The following GPR132 variants were observed in gnomAD, a reference collection of about 807,000 sequenced individuals.
GPR132 encodes the protein probable G protein-coupled receptor 132.
In GPR132, 4 loss-of-function variants were observed where a neutral mutation model predicts 1.9. That is an observed-to-expected ratio of 2.13 (90% confidence interval 1.05 to 4.87). The LOEUF is 4.87. Among genes scored for constraint, GPR132 ranks in the 30% most tolerant of loss-of-function variants. GPR132 has a pLI of 0.01. For missense variants in GPR132, 404 were observed against 512.5 expected (o/e 0.79, Z 2.04); for synonymous variants, 233 against 234.2 (o/e 0.99, Z 0.05).
chr14:105,054,223 C>A, intron 3 of GPR132: 1 of 1,195,482 alleles, frequency 8.4e-7, no homozygotes, highest in Non-Finnish European at 1.1e-6. Flanking sequence ...CCGGGCGGGG[C>A]AAACTTCAGC....
Position 105,051,236 on chromosome 14 carries a change from C to T in GPR132, c.901G>A (p.Gly301Ser), listed in dbSNP as rs574426049. ...VVFLCLSTVN[G>S]VADPIIYVLA... ...ACGTAGATAATGGGGTCAGCCACGC[C>T]GTTCACCGTGGACAGGCACAGAAAC... Residue 301 changes from glycine to serine, a missense_variant, in exon 4 of 4, where the codon GGC (glycine) becomes AGC (serine). Transcript: ENST00000329797. This position sits in a 1 kb window ranked among gnomAD's most constrained non-coding sequence, Gnocchi z 8.0. The T allele has an allele frequency of 2.9e-5, 47 of 1,613,516 alleles. No homozygotes were observed. Among genetic ancestry groups the T allele is most frequent in the Middle Eastern group, 3.3e-4 (2 of 6,060 alleles).
rs374913849 is a variant in GPR132 at position 105,054,024 on chromosome 14, C to T, written c.34+1363G>A. ...AGGGTGTGCAGTGGTGTGACTTCCC[C>T]AAGCTCTGCCAGCGCCACCAGCTCC... On this transcript the variant is annotated intron_variant, in intron 3 of 3. Transcript: ENST00000329797. 14 of 1,286,968 alleles carry T rather than the reference C, an allele frequency of 1.1e-5. No individual in the cohort carries two copies. The East Asian group carries it at 2.2e-4, about 21-fold the overall frequency. 79.7% of individuals were successfully genotyped at this position (1,286,968 alleles called of 1,614,324 possible).
chr14:105,061,743 G>C (rs993059229), intron 1 of GPR132, among the ~76,000 whole-genome samples: 5 of 147,718 alleles, frequency 3.4e-5, no homozygotes, highest in Non-Finnish European at 6.0e-5. Flanking sequence ...CCACCCTCCT[G>C]GGGGGGGGGA....
Position 105,057,256 on chromosome 14 carries a change from G to T in GPR132, c.-836C>A. The stretch of plus-strand genomic sequence containing the variant: ...TGCGTCTTGTCGGTCCTATCAAGAC[G>T]TTCACTCTGAGAGTTTAAAATGACC... On this transcript the variant is annotated 5_prime_UTR_variant, in exon 2 of 4. Transcript: ENST00000329797. 1 of 963,790 alleles carries T rather than the reference G, an allele frequency of 1.0e-6. No individual in the cohort carries two copies. Among genetic ancestry groups the T allele is most frequent in the Non-Finnish European group, 1.6e-6 (1 of 628,956 alleles). The allele number at this position is 963,790 out of a possible 1,614,324, so 59.7% of individuals were successfully genotyped here.
chr14:105,060,874 G>A lies in GPR132; in HGVS notation c.-860-3594C>T, dbSNP rs114864178. Among the ~76,000 whole-genome samples the A allele has an allele frequency of 0.041, 6,312 of 152,324 alleles. 314 individuals carry two copies. The highest frequency in any genetic ancestry group is 0.21 in the East Asian group (1,088 of 5,168). On this transcript the variant is annotated intron_variant, in intron 1 of 3. Transcript: ENST00000329797. The surrounding 1 kb of genome is among the most constrained non-coding windows in gnomAD (Gnocchi z 6.3). Reference sequence around the variant, plus strand: ...AGTGGCAGCTGCAGTGGAAATGCACGCTCCCCTCCCGGGCCCCAGCCGCAG... The same window carrying A: ...AGTGGCAGCTGCAGTGGAAATGCACACTCCCCTCCCGGGCCCCAGCCGCAG...
At chr14:105,057,650 A>G (rs958480235) in intron 1 of GPR132, among the ~76,000 whole-genome samples, 3 of 148,208 alleles carry the variant, frequency 2.0e-5, no homozygotes, top group African/African-American at 7.5e-5. Flanking sequence ...CCTCTTGAGT[A>G]GCTGGGAGTA....
chr14:105,059,472 C>T lies in GPR132; in HGVS notation c.-860-2192G>A, dbSNP rs1448395121. On this transcript the variant is annotated intron_variant, in intron 1 of 3. Coordinates refer to ENST00000329797, the MANE Select transcript of GPR132 (RefSeq NM_013345.4). The surrounding 1 kb of genome is among the most constrained non-coding windows in gnomAD (Gnocchi z 4.2). The stretch of plus-strand genomic sequence containing the variant: ...GCGCCGATCTGCCTGGCGTTCTATT[C>T]AGTCATCCCTCTGCTCACTGAGACA... 6.6e-6 allele frequency among the ~76,000 whole-genome samples: 1 copy of T among 152,194 alleles called. No homozygotes were observed. The highest frequency in any genetic ancestry group is 2.4e-5 in the African/African-American group (1 of 41,428).
chr14:105,054,149 A>G (rs1886723060), intron 3 of GPR132: 2 of 1,282,330 alleles, frequency 1.6e-6, no homozygotes, highest in Non-Finnish European at 2.0e-6. Context: ...AGCCGCAGAC[A>G]GACCTGGCCT....
chr14:105,057,180 C>A lies in GPR132; in HGVS notation c.-760G>T, dbSNP rs558628732. ...AGGCTCTCTCACCTGGCATATTTTG[C>A]GGGTTCCAATCTCAGTGTGGCTCTA... is the stretch of plus-strand genomic sequence containing the variant. On this transcript the variant is annotated 5_prime_UTR_variant, in exon 2 of 4. Coordinates refer to ENST00000329797, the MANE Select transcript of GPR132 (RefSeq NM_013345.4). 6.5e-7 allele frequency: 1 copy of A among 1,531,556 alleles called. No homozygotes were observed. The highest frequency in any genetic ancestry group is 8.8e-7 in the Non-Finnish European group (1 of 1,142,798). The allele number at this position is 1,531,556 out of a possible 1,614,324, so 94.9% of individuals were successfully genotyped here.
Position 105,055,646 on chromosome 14 carries a change from C to A in GPR132, c.-226G>T, listed in dbSNP as rs1345088005. 3.5e-6 allele frequency: 2 copies of A among 574,292 alleles called. No homozygotes were observed. The highest frequency in any genetic ancestry group is 3.7e-5 in the African/African-American group (2 of 53,558). 35.6% of individuals were successfully genotyped at this position (574,292 alleles called of 1,614,324 possible). A position where few individuals can be genotyped will look rare whatever the true frequency, so the allele number is the denominator to read the frequency against. On this transcript the variant is annotated 5_prime_UTR_variant, in exon 3 of 4. Transcript: ENST00000329797. This position sits in a 1 kb window ranked among gnomAD's most constrained non-coding sequence, Gnocchi z 4.7. ...TTCCGTGTCTCACGTGCTCCACTCA[C>A]CACAGTGTCCTCAAGCTCCCTCCTG...
rs558628732 is a variant in GPR132, at chr14:105,057,180, C to T, written c.-760G>A. The stretch of plus-strand genomic sequence containing the variant: ...AGGCTCTCTCACCTGGCATATTTTG[C>T]GGGTTCCAATCTCAGTGTGGCTCTA... On this transcript the variant is annotated 5_prime_UTR_variant, in exon 2 of 4. Coordinates refer to ENST00000329797, the MANE Select transcript of GPR132 (RefSeq NM_013345.4). 382 of 1,531,432 alleles carry T rather than the reference C, an allele frequency of 2.5e-4. No individual in the cohort carries two copies. The highest frequency in any genetic ancestry group is 2.9e-4 in the Non-Finnish European group (337 of 1,142,800). 94.9% of individuals were successfully genotyped at this position (1,531,432 alleles called of 1,614,324 possible).
rs1886771759 is a variant in GPR132, at chr14:105,055,646, CCA to C, written c.-228_-227del. The C allele has an allele frequency of 1.7e-6, 1 of 574,410 alleles. No individual in the cohort carries two copies. The allele number at this position is 574,410 out of a possible 1,614,324, so 35.6% of individuals were successfully genotyped here. A position where few individuals can be genotyped will look rare whatever the true frequency, so the allele number is the denominator to read the frequency against. ...TTCCGTGTCTCACGTGCTCCACTCA[CCA>C]CAGTGTCCTCAAGCTCCCTCCTGTT... On this transcript the variant is annotated 5_prime_UTR_variant, in exon 3 of 4. It introduces an in-frame stop codon into an upstream open reading frame of the 5' UTR. Coordinates refer to ENST00000329797, the MANE Select transcript of GPR132 (RefSeq NM_013345.4). This position sits in a 1 kb window ranked among gnomAD's most constrained non-coding sequence, Gnocchi z 4.7.
intron 3 of GPR132, chr14:105,053,996 C>A (rs902559878): frequency 7.9e-7 from 1 of 1,267,130 alleles, no homozygotes; most frequent in Non-Finnish European, 1.0e-6. Context: ...CTAGAGGTCA[C>A]GCAGGGTGTG....
chr14:105,055,980 C>G lies in GPR132; in HGVS notation c.-560G>C, dbSNP rs1886780985. The G allele has an allele frequency of 5.3e-6, 1 of 189,052 alleles. No homozygotes were observed. The highest frequency in any genetic ancestry group is 1.8e-4 in the South Asian group (1 of 5,566). The allele number at this position is 189,052 out of a possible 1,614,324, so 11.7% of individuals were successfully genotyped here. On this transcript the variant is annotated 5_prime_UTR_variant, in exon 3 of 4. Coordinates refer to ENST00000329797, the MANE Select transcript of GPR132 (RefSeq NM_013345.4). This position sits in a 1 kb window ranked among gnomAD's most constrained non-coding sequence, Gnocchi z 4.7. ...TTTCCGTTCTCCTGGGTCAGACCCA[C>G]AGTTGGCATTGCTGGATCTCACGGC...
Position 105,060,515 on chromosome 14 carries a change from C to T in GPR132, c.-860-3235G>A, listed in dbSNP as rs773151739. Among the ~76,000 whole-genome samples, 1 of 152,296 alleles carries T rather than the reference C, an allele frequency of 6.6e-6. No homozygotes were observed. Among genetic ancestry groups the T allele is most frequent in the East Asian group, 1.9e-4 (1 of 5,184 alleles). On this transcript the variant is annotated intron_variant, in intron 1 of 3. Coordinates refer to ENST00000329797, the MANE Select transcript of GPR132 (RefSeq NM_013345.4). This position sits in a 1 kb window ranked among gnomAD's most constrained non-coding sequence, Gnocchi z 6.3. ...CCCTAGAAGCCCACATACTCTTGCT[C>T]GCTGGTGTCTACTCCGATTCTGCAG...
intron 1 of GPR132, 180 bp from the exon 2 acceptor site, chr14:105,057,460 A>T (rs1399313783): frequency 2.4e-6 from 1 of 420,312 alleles, no homozygotes; most frequent in Non-Finnish European, 4.2e-6. Context: ...GCAAGGCTCC[A>T]AGCCAACAGG....
At chr14:105,054,228 T>G in intron 3 of GPR132, 4 of 1,190,508 alleles carry the variant, frequency 3.4e-6, no homozygotes, top group African/African-American at 3.2e-5. Flanking sequence ...CGGGGCAAAC[T>G]TCAGCTGTGC....
rs1886582855 is a variant in GPR132, at chr14:105,049,818, CA to C, written c.*1175del. 6.6e-6 allele frequency: 1 copy of C among 152,402 alleles called. No homozygotes were observed. Among genetic ancestry groups the C allele is most frequent in the African/African-American group, 2.4e-5 (1 of 41,448 alleles). 9.4% of individuals were successfully genotyped at this position (152,402 alleles called of 1,614,324 possible). A position where few individuals can be genotyped will look rare whatever the true frequency, so the allele number is the denominator to read the frequency against. On this transcript the variant is annotated 3_prime_UTR_variant, in exon 4 of 4. Transcript: ENST00000329797. ...ATTAAAAACAAAAACAAAAACAAAA[CA>C]AAAACAAGGAAGAGCAACTGCATAG... is the stretch of plus-strand genomic sequence containing the variant.
chr14:105,065,173 C>G (rs1887052545), intron 1 of GPR132, among the ~76,000 whole-genome samples: 1 of 152,212 alleles, frequency 6.6e-6, no homozygotes, highest in Non-Finnish European at 1.5e-5. Context: ...TCCTCCGGCC[C>G]CATCACATCT....
Sources: allele counts gnomAD v4.1 joint callset (sites outside exome capture counted in the v4.1 genomes callset), GRCh38; gene constraint gnomAD v4.1.1; non-coding constraint Gnocchi (gnomAD v3.1); transcripts MANE v1.5; gene names NCBI Gene and HGNC (gene_info 2026-07-23, HGNC 2026-07-21).